UBXN11: variants seen among roughly 807,000 people sequenced by gnomAD.
The protein encoded by UBXN11 is UBX domain-containing protein 11.
A neutral mutation model predicts 62.8 loss-of-function variants in UBXN11; 47 were observed. The ratio of observed to expected loss-of-function variants is 0.75; its 90% confidence interval spans 0.59 to 0.95. The LOEUF is 0.95. UBXN11 is among the 40% of genes least tolerant of loss of function. UBXN11 has a pLI of 0.00. For missense variants in UBXN11, 638 were observed against 661.7 expected (o/e 0.96, Z 0.39); for synonymous variants, 294 against 267.0 (o/e 1.10, Z -0.99).
At chr1:26,292,294 G>C (rs2073285931) in intron 8 of UBXN11, among the ~76,000 whole-genome samples, 1 of 152,100 alleles carries the variant, frequency 6.6e-6, no homozygotes, top group South Asian at 2.1e-4. Context: ...GAGGCAGCAG[G>C]ATCACTGGCA....
rs201515349 is a variant in UBXN11 at position 26,285,541 on chromosome 1, G to A, written c.775C>T (p.Arg259Cys). 3,410 of 1,575,880 alleles carry A rather than the reference G, an allele frequency of 2.2e-3. 25 individuals are homozygous for A. Among genetic ancestry groups the A allele is most frequent in the Non-Finnish European group, 1.3e-3 (1,542 of 1,155,932 alleles). Reference protein sequence around the residue: ...FQPFYDPSTQRCLRDILDGFF... With the variant: ...FQPFYDPSTQCCLRDILDGFF... ...CCATCCAATATGTCTCGGAGGCAGC[G>A]CTGCAAGGGAAGAGGAAAAGTGAGG... Residue 259 changes from arginine (R) to cysteine (C), a missense_variant and splice_region_variant, in exon 10 of 15, where the codon CGC (arginine) becomes TGC (cysteine). Coordinates refer to ENST00000374222, the MANE Select transcript of UBXN11 (RefSeq NM_001389556.1).
chr1:26,293,485 T>C (rs772522313), intron 8 of UBXN11, among the ~76,000 whole-genome samples: 2 of 151,932 alleles, frequency 1.3e-5, no homozygotes, highest in Non-Finnish European at 2.9e-5. Context: ...CCCAGCACTT[T>C]GGGAGGCCAA....
chr1:26,284,638 T>A, intron 10 of UBXN11, 156 bp from the exon 11 acceptor site: 4 of 1,395,274 alleles, frequency 2.9e-6, no homozygotes, highest in Non-Finnish European at 3.7e-6. Flanking sequence ...GAGCCACGGT[T>A]CGTACTGCTG....
chr1:26,293,752 A>AAG (rs1294606207), intron 8 of UBXN11, among the ~76,000 whole-genome samples: 7 of 148,628 alleles, frequency 4.7e-5, no homozygotes, highest in South Asian at 2.1e-4. Flanking sequence ...AAAAAAAAAA[A>AAG]GACATGGTAG....
Position 26,282,310 on chromosome 1 carries a change from T to A in UBXN11, c.1552A>T (p.Ser518Cys). Residue 518 changes from serine (S) to cysteine (C), a missense_variant, in exon 15 of 15, where the codon AGC becomes TGC. Coordinates refer to ENST00000374222, the MANE Select transcript of UBXN11 (RefSeq NM_001389556.1). ...GPSPCPGPSPSPQ is the reference protein window; with the variant it reads ...GPSPCPGPSPCPQ ...AGGGGGCGGGTGCTTTATTGGGGGC[T>A]GGGACTGGGTCCAGGACAGGGACTG... 1.4e-6 allele frequency: 2 copies of A among 1,466,936 alleles called. No individual in the cohort carries two copies. The highest frequency in any genetic ancestry group is 1.5e-5 in the African/African-American group (1 of 66,826). 90.9% of individuals were successfully genotyped at this position (1,466,936 alleles called of 1,614,324 possible). A position where few individuals can be genotyped will look rare whatever the true frequency, so the allele number is the denominator to read the frequency against.
chr1:26,285,170 C>T, intron 10 of UBXN11: 2 of 1,194,286 alleles, frequency 1.7e-6, no homozygotes, highest in South Asian at 2.1e-5. Context: ...GCCACTTCTG[C>T]AGGGACCCCA....
At chr1:26,285,630 A>G in intron 9 of UBXN11, 89 bp from the exon 10 acceptor site, 1 of 1,407,990 alleles carries the variant, frequency 7.1e-7, no homozygotes, top group Non-Finnish European at 9.5e-7. Context: ...CCCTAGATCC[A>G]GGGTCACCCA....
At chr1:26,284,053 C>T in intron 12 of UBXN11, 89 bp downstream of exon 12, 1 of 1,352,130 alleles carries the variant, frequency 7.4e-7, no homozygotes, top group Non-Finnish European at 1.0e-6. Flanking sequence ...AAGCTTGAGC[C>T]TTCTGACAAG....
In UBXN11 at chr1:26,296,984, G is replaced by A; in HGVS notation, c.367C>T (p.Leu123=). 1 of 1,602,800 alleles carries A rather than the reference G, an allele frequency of 6.2e-7. No individual in the cohort carries two copies. Among genetic ancestry groups the A allele is most frequent in the Middle Eastern group, 1.7e-4 (1 of 6,044 alleles). The part of the protein sequence containing the change: ...TLRPHPAEAT[L]QRQEELETMC... The stretch of plus-strand genomic sequence containing the variant: ...GTCTCCAGTTCCTCCTGCCGCTGCA[G>A]GGTTGCCTCGGCTTCAGGGAAAGAC... Residue 123 remains leucine (L), a synonymous_variant, in exon 7 of 15, where the codon CTG becomes TTG. Coordinates refer to ENST00000374222, the MANE Select transcript of UBXN11 (RefSeq NM_001389556.1).
chr1:26,293,509 C>A (rs374350372), intron 8 of UBXN11, among the ~76,000 whole-genome samples: 7 of 151,884 alleles, frequency 4.6e-5, no homozygotes, highest in South Asian at 4.2e-4. Context: ...GGGCAGATCA[C>A]GAGGTCAGGA....
At chr1:26,286,834 G>GA (rs138431171) in intron 8 of UBXN11, among the ~76,000 whole-genome samples, 34,735 of 151,990 alleles carry the variant, frequency 0.23, 4,693 homozygotes, top group Non-Finnish European at 0.3. Context: ...GAGTAGCTGG[G>GA]ATTACAGGCA....
chr1:26,302,235 C>A (rs913601910), intron 2 of UBXN11, among the ~76,000 whole-genome samples: 2 of 151,938 alleles, frequency 1.3e-5, no homozygotes, highest in Non-Finnish European at 2.9e-5. Flanking sequence ...TTATAGCATG[C>A]GCCTGTAGTC....
intron 8 of UBXN11, among the ~76,000 whole-genome samples, chr1:26,290,789 G>C (rs2073243282): frequency 6.6e-6 from 1 of 151,386 alleles, no homozygotes; most frequent in African/African-American, 2.4e-5. Flanking sequence ...GAGAGGGTGA[G>C]GATTCTCAGG....
At chr1:26,284,986 C>T in intron 10 of UBXN11, 1 of 1,001,464 alleles carries the variant, frequency 1.0e-6, no homozygotes, top group Non-Finnish European at 1.2e-6. Flanking sequence ...CACTAACCCA[C>T]CACCTTCTAG....
intron 12 of UBXN11, 83 bp from the exon 13 acceptor site, chr1:26,283,020 A>C (rs2073037836): frequency 1.9e-6 from 3 of 1,572,376 alleles, no homozygotes; most frequent in Non-Finnish European, 2.6e-6. Flanking sequence ...CACTTCCTTG[A>C]CCAGGGACAG....
At chr1:26,301,579 G>A (rs958024184) in intron 3 of UBXN11, 115 bp downstream of exon 3, 3 of 1,437,578 alleles carry the variant, frequency 2.1e-6, no homozygotes, top group Non-Finnish European at 2.8e-6. Context: ...ACACGGTGGA[G>A]GCCGCTGCTC....
rs973096493 is a variant in UBXN11, at chr1:26,298,007, G to A, written c.255C>T (p.Asp85=). The A allele has an allele frequency of 2.5e-6, 4 of 1,613,866 alleles. No individual in the cohort carries two copies. The African/African-American group carries it at 5.3e-5, about 22-fold the overall frequency. ...LMAFMTRKLW[D]LEQQVKAQTD... ...TCTGGGCCTTCACCTGCTGCTCCAG[G>A]TCCCACAACTTCCTCGTCATGAAGG... The change falls in exon 5 of 15, where the codon GAC becomes GAT. Residue 85 remains aspartate (D), a synonymous_variant. Transcript: ENST00000374222.
At chr1:26,292,926 T>C (rs1404124175) in intron 8 of UBXN11, among the ~76,000 whole-genome samples, 3 of 152,106 alleles carry the variant, frequency 2.0e-5, no homozygotes, top group Non-Finnish European at 2.9e-5. Context: ...GTGAGGGCGT[T>C]AGACCCTGAG....
At chr1:26,295,594 G>C (rs1243814062) in intron 7 of UBXN11, among the ~76,000 whole-genome samples, 4 of 152,150 alleles carry the variant, frequency 2.6e-5, no homozygotes, top group African/African-American at 9.7e-5. Flanking sequence ...TATGTGGCGG[G>C]AAGTGGCACC....
Sources: gnomAD v4.1 joint callset for allele counts (sites outside exome capture counted in the v4.1 genomes callset) on GRCh38, gnomAD v4.1.1 for gene constraint, MANE v1.5 for transcripts, NCBI Gene and HGNC (gene_info 2026-07-23, HGNC 2026-07-21) for gene names.